The following MBD5 variants were observed in gnomAD, a reference collection of about 807,000 sequenced individuals.
MBD5 encodes the protein methyl-CpG binding domain protein 5.
A neutral mutation model predicts 117.3 loss-of-function variants in MBD5; 13 were observed. That is an observed-to-expected ratio of 0.11 (90% CI 0.07 to 0.18). The LOEUF (loss-of-function observed/expected upper bound fraction) is 0.18, where lower values mean the gene tolerates loss of function less well. Among genes scored for constraint, MBD5 ranks in the 10% least tolerant of loss-of-function variants. The pLI is 1.00. For missense variants in MBD5, 1,879 were observed against 2,093.8 expected, an observed-to-expected ratio of 0.90 and a Z score of 2.00; for synonymous variants, 727 against 766.4, an observed-to-expected ratio of 0.95 and a Z score of 0.85.
At position 148,021,364 on chromosome 2, in the gene MBD5, A is replaced by G; in HGVS notation, c.-1245A>G. 4.7e-6 allele frequency: 2 copies of G among 421,532 alleles called. No individual in the cohort carries two copies. The highest frequency in any genetic ancestry group is 6.6e-5 in the East Asian group (1 of 15,264). The allele number at this position is 421,532 out of a possible 1,614,324, so 26.1% of individuals were successfully genotyped here. A position where few individuals can be genotyped will look rare whatever the true frequency, so the allele number is the denominator to read the frequency against. On this transcript the variant is annotated 5_prime_UTR_variant, in exon 1 of 14. Coordinates refer to ENST00000642680, the MANE Select transcript of MBD5 (RefSeq NM_001378120.1). ...CGACTCCTACCCCCTCACCCCTCCA[A>G]CTCGCCTCCCTCCCTCCACCCTCCT...
intron 3 of MBD5, among the ~76,000 whole-genome samples, chr2:148,266,272 G>T (rs1700857968): frequency 6.6e-6 from 1 of 151,766 alleles, no homozygotes; most frequent in Non-Finnish European, 1.5e-5. Flanking sequence ...CTGTAACATT[G>T]AACAAATTAA....
chr2:148,354,749 T>G lies in MBD5; in HGVS notation c.-557+12413T>G, dbSNP rs149310658. Reference sequence around the variant, plus strand: ...TCCCACCAACATGTAAAAGCATTCCTATTTCTCCACAGCCTCACCAGCATC... The same window carrying G: ...TCCCACCAACATGTAAAAGCATTCCGATTTCTCCACAGCCTCACCAGCATC... On this transcript the variant is annotated intron_variant, in intron 4 of 13. Coordinates refer to ENST00000642680, the MANE Select transcript of MBD5 (RefSeq NM_001378120.1). Among the ~76,000 whole-genome samples, 503 of 152,338 alleles carry G rather than the reference T, an allele frequency of 3.3e-3. 4 individuals carry two copies. Among genetic ancestry groups the G allele is most frequent in the African/African-American group, 0.012 (488 of 41,578 alleles).
intron 4 of MBD5, among the ~76,000 whole-genome samples, chr2:148,449,335 A>C (rs1187061447): frequency 6.6e-6 from 1 of 152,046 alleles, no homozygotes; most frequent in Non-Finnish European, 1.5e-5. Context: ...TCTCTGCCTC[A>C]ACTGCTTTTT....
chr2:148,434,690 A>G (rs1457687791), intron 4 of MBD5, among the ~76,000 whole-genome samples: 1 of 152,154 alleles, frequency 6.6e-6, no homozygotes, highest in Non-Finnish European at 1.5e-5. Flanking sequence ...GATCCATTTT[A>G]GAGTATGTGT....
chr2:148,334,114 A>G (rs1004291702), intron 3 of MBD5, among the ~76,000 whole-genome samples: 1 of 152,084 alleles, frequency 6.6e-6, no homozygotes, highest in Non-Finnish European at 1.5e-5. Context: ...AAGTTTGTTC[A>G]TAGTCTCATC....
intron 4 of MBD5, among the ~76,000 whole-genome samples, chr2:148,429,850 G>T (rs949062712): frequency 6.6e-6 from 1 of 152,106 alleles, no homozygotes; most frequent in African/African-American, 2.4e-5. Context: ...CTGTCATGGG[G>T]TGGGGGGCTG....
At chr2:148,318,877 G>A (rs1460424959) in intron 3 of MBD5, among the ~76,000 whole-genome samples, 1 of 151,976 alleles carries the variant, frequency 6.6e-6, no homozygotes, top group Non-Finnish European at 1.5e-5. Flanking sequence ...CATCATGCCC[G>A]GCTAATTCTT....
At chr2:148,177,179 C>G (rs764985025) in intron 1 of MBD5, among the ~76,000 whole-genome samples, 1 of 152,140 alleles carries the variant, frequency 6.6e-6, no homozygotes, top group Admixed American at 6.5e-5. Flanking sequence ...GAAATATAAT[C>G]TTAGAAAACT....
chr2:148,486,486 G>C (rs947722938), intron 10 of MBD5, among the ~76,000 whole-genome samples: 2 of 152,150 alleles, frequency 1.3e-5, no homozygotes, highest in Non-Finnish European at 2.9e-5. Flanking sequence ...AAAAGGAAAA[G>C]TAACAAATTT....
intron 4 of MBD5, among the ~76,000 whole-genome samples, chr2:148,444,105 C>T (rs958677132): frequency 2.8e-5 from 4 of 142,836 alleles, no homozygotes; most frequent in Non-Finnish European, 6.0e-5. Context: ...GTGTTCAGTG[C>T]AGTTCCTGGA....
intron 3 of MBD5, among the ~76,000 whole-genome samples, chr2:148,334,766 G>C (rs1287926017): frequency 6.6e-6 from 1 of 152,102 alleles, no homozygotes; most frequent in African/African-American, 2.4e-5. Context: ...TTTCTTATCT[G>C]TTGTGAAGTT....
intron 1 of MBD5, chr2:148,026,502 A>G (rs1236650159): frequency 6.6e-6 from 1 of 152,184 alleles, no homozygotes; most frequent in Non-Finnish European, 1.5e-5. Flanking sequence ...TGGTGACTCA[A>G]CGCTTGTAAT....
chr2:148,198,062 G>A (rs1455324291), intron 2 of MBD5, among the ~76,000 whole-genome samples: 2 of 151,778 alleles, frequency 1.3e-5, no homozygotes, highest in African/African-American at 4.8e-5. Context: ...TGATCTCCCC[G>A]CCTCAGCCTC....
chr2:148,442,109 C>CTAAA lies in MBD5; in HGVS notation c.-556-16093_-556-16092insAAAT, dbSNP rs1559072805. On this transcript the variant is annotated intron_variant, in intron 4 of 13. Transcript: ENST00000642680. The stretch of plus-strand genomic sequence containing the variant: ...TGCTGTGCAGAAGCTCTTTAGTTTA[C>CTAAA]TTAGATCCCATTTGTCAATTTTGGC... Among the ~76,000 whole-genome samples the CTAAA allele has an allele frequency of 1.2e-3, 182 of 151,748 alleles. 1 individual carries two copies. The highest frequency in any genetic ancestry group is 3.9e-3 in the African/African-American group (159 of 41,192).
chr2:148,256,636 G>A (rs572162391), intron 3 of MBD5, among the ~76,000 whole-genome samples: 46 of 152,288 alleles, frequency 3.0e-4, no homozygotes, highest in Admixed American at 1.4e-3. Context: ...TGTCCACACC[G>A]GGTTTCAAAC....
intron 1 of MBD5, among the ~76,000 whole-genome samples, chr2:148,123,141 C>T (rs1047331339): frequency 6.6e-6 from 1 of 152,128 alleles, no homozygotes; most frequent in African/African-American, 2.4e-5. Flanking sequence ...CATATGTGGG[C>T]ACACAATGAG....
chr2:148,453,262 G>A (rs1167368084), intron 4 of MBD5, among the ~76,000 whole-genome samples: 1 of 152,132 alleles, frequency 6.6e-6, no homozygotes, highest in Non-Finnish European at 1.5e-5. Context: ...ATGATGAATG[G>A]TCAGAAGAAG....
rs1301057526 is a variant in MBD5 at position 148,514,207 on chromosome 2, T to C, written c.*1266T>C. 8.5e-5 allele frequency: 13 copies of C among 152,124 alleles called. No homozygotes were observed. The highest frequency in any genetic ancestry group is 5.9e-4 in the Admixed American group (9 of 15,276). 9.4% of individuals were successfully genotyped at this position (152,124 alleles called of 1,614,324 possible). A position where few individuals can be genotyped will look rare whatever the true frequency, so the allele number is the denominator to read the frequency against. On this transcript the variant is annotated 3_prime_UTR_variant, in exon 14 of 14. Transcript: ENST00000642680. ...GCAAAAATGTGCAGGTTAAATCTAT[T>C]AACCAAATTATTTATATTATATTAA... is the stretch of plus-strand genomic sequence containing the variant.
chr2:148,396,631 C>T (rs1271492971), intron 4 of MBD5, among the ~76,000 whole-genome samples: 1 of 152,188 alleles, frequency 6.6e-6, no homozygotes, highest in African/African-American at 2.4e-5. Flanking sequence ...GCTCTTTGTG[C>T]AGTCACCTTT....
Sources: gnomAD v4.1 joint callset for allele counts (sites outside exome capture counted in the v4.1 genomes callset) on GRCh38, gnomAD v4.1.1 for gene constraint, MANE v1.5 for transcripts, NCBI Gene and HGNC (gene_info 2026-07-23, HGNC 2026-07-21) for gene names.